MAGI2: variants seen among roughly 807,000 people sequenced by gnomAD.
The protein encoded by MAGI2 is membrane associated guanylate kinase, WW and PDZ domain containing 2.
Under a neutral mutation model 133.3 loss-of-function variants are expected in MAGI2, and 35 were observed. The observed-to-expected ratio is 0.26, with a 90% CI of 0.20 to 0.35. The LOEUF is 0.35. Ranked by LOEUF, MAGI2 falls within the 10% of genes least tolerant of loss-of-function variation. The pLI is 1.00. For missense variants in MAGI2, 1,636 were observed against 1,863.4 expected (o/e 0.88, Z 2.25); for synonymous variants, 729 against 710.6 (o/e 1.03, Z -0.41).
intron 10 of MAGI2, among the ~76,000 whole-genome samples, chr7:78,211,570 T>C (rs1342076105): frequency 7.2e-5 from 11 of 152,234 alleles, no homozygotes; most frequent in South Asian, 6.2e-4. Flanking sequence ...TCCCCTAACC[T>C]CTCAGAGGCT....
At chr7:79,452,146 A>T (rs892865459) in intron 1 of MAGI2, among the ~76,000 whole-genome samples, 11 of 152,062 alleles carry the variant, frequency 7.2e-5, no homozygotes, top group Non-Finnish European at 1.5e-4. Context: ...AATCGGAGCC[A>T]GAGGAGAGCC....
chr7:78,088,445 G>C (rs1275500117), intron 20 of MAGI2, among the ~76,000 whole-genome samples: 1 of 152,168 alleles, frequency 6.6e-6, no homozygotes, highest in Non-Finnish European at 1.5e-5. Flanking sequence ...CACCAAGATG[G>C]GTGGCGGGGA....
intron 2 of MAGI2, among the ~76,000 whole-genome samples, chr7:78,662,071 C>A (rs1313070404): frequency 6.6e-6 from 1 of 152,142 alleles, no homozygotes; most frequent in African/African-American, 2.4e-5. Flanking sequence ...ACAAAAATGT[C>A]TGAGATGTAG....
chr7:78,882,077 CAACAACAACAAAAA>C (rs1180892591), intron 2 of MAGI2, among the ~76,000 whole-genome samples: 1 of 16,188 alleles, frequency 6.2e-5, no homozygotes, highest in East Asian at 1.5e-3. Flanking sequence ...TTAACAACAA[CAACAACAACAAAAA>C]AAAAAAAAAA....
chr7:79,111,105 T>C (rs1020161449), intron 1 of MAGI2, among the ~76,000 whole-genome samples: 1 of 152,228 alleles, frequency 6.6e-6, no homozygotes, highest in Non-Finnish European at 1.5e-5. Context: ...GTCAATACCA[T>C]GTATTCTCTG....
chr7:78,996,572 C>T (rs1806329566), intron 2 of MAGI2, among the ~76,000 whole-genome samples: 1 of 152,012 alleles, frequency 6.6e-6, no homozygotes, highest in East Asian at 1.9e-4. Flanking sequence ...GGCTTAATAC[C>T]TGGATGAATG....
At chr7:78,138,625 TCACACACACA>T (rs202115434) in intron 16 of MAGI2, among the ~76,000 whole-genome samples, 2,040 of 129,464 alleles carry the variant, frequency 0.016, 38 homozygotes, top group Non-Finnish European at 0.019. Context: ...AAACATAGAT[TCACACACACA>T]CACACACACA....
At chr7:79,433,529 G>T (rs994047082) in intron 1 of MAGI2, among the ~76,000 whole-genome samples, 1 of 151,880 alleles carries the variant, frequency 6.6e-6, no homozygotes, top group Non-Finnish European at 1.5e-5. Flanking sequence ...CTCCAGCCTG[G>T]GCGACAGAGC....
chr7:78,886,959 T>C (rs1479355171), intron 2 of MAGI2, among the ~76,000 whole-genome samples: 1 of 152,140 alleles, frequency 6.6e-6, no homozygotes, highest in Non-Finnish European at 1.5e-5. Flanking sequence ...TGAGATCTGA[T>C]GGTTTTACAA....
At chr7:79,097,518 A>C (rs1272442724) in intron 1 of MAGI2, among the ~76,000 whole-genome samples, 1 of 152,184 alleles carries the variant, frequency 6.6e-6, no homozygotes, top group African/African-American at 2.4e-5. Context: ...AAAGGCAGAG[A>C]GTGGGGAACC....
intron 1 of MAGI2, among the ~76,000 whole-genome samples, chr7:79,286,542 T>C (rs544185920): frequency 6.6e-6 from 1 of 152,134 alleles, no homozygotes; most frequent in South Asian, 2.1e-4. Flanking sequence ...ATTGACAGCA[T>C]AACTTTTCAT....
At chr7:78,960,042 C>T (rs988895236) in intron 2 of MAGI2, among the ~76,000 whole-genome samples, 1 of 151,968 alleles carries the variant, frequency 6.6e-6, no homozygotes, top group Non-Finnish European at 1.5e-5. Context: ...ATACCTAGAG[C>T]AAGGATTCTA....
intron 10 of MAGI2, among the ~76,000 whole-genome samples, chr7:78,237,873 A>T (rs993891569): frequency 1.3e-5 from 2 of 152,200 alleles, no homozygotes; most frequent in African/African-American, 4.8e-5. Context: ...CAAAACACTA[A>T]TATTGACTTC....
intron 1 of MAGI2, among the ~76,000 whole-genome samples, chr7:79,431,238 C>T (rs1474891644): frequency 6.6e-6 from 1 of 152,074 alleles, no homozygotes; most frequent in East Asian, 1.9e-4. Flanking sequence ...AGTAGATATT[C>T]TAGAAATGCA....
chr7:79,312,632 T>C (rs180884778), intron 1 of MAGI2, among the ~76,000 whole-genome samples: 160 of 152,318 alleles, frequency 1.1e-3, no homozygotes, highest in Non-Finnish European at 2.0e-3. Flanking sequence ...TTCCTCTCTC[T>C]CTCTCTCAAA....
chr7:79,281,449 G>A (rs759596891), intron 1 of MAGI2, among the ~76,000 whole-genome samples: 3 of 151,940 alleles, frequency 2.0e-5, no homozygotes, highest in Non-Finnish European at 4.4e-5. Flanking sequence ...TCTGAAAAGC[G>A]ATCTTTATGT....
intron 10 of MAGI2, chr7:78,253,836 C>T (rs1792684622): frequency 6.6e-6 from 1 of 152,132 alleles, no homozygotes; most frequent in Admixed American, 6.6e-5. Flanking sequence ...AGGACCCAGG[C>T]CTGCGACTCA....
At chr7:78,401,338 C>A (rs943507237) in intron 6 of MAGI2, among the ~76,000 whole-genome samples, 1 of 152,126 alleles carries the variant, frequency 6.6e-6, no homozygotes, top group Non-Finnish European at 1.5e-5. Context: ...AATCTTTCAA[C>A]CCCTAAGATG....
At chr7:78,118,466 G>A (rs919851131) in intron 20 of MAGI2, among the ~76,000 whole-genome samples, 1 of 152,118 alleles carries the variant, frequency 6.6e-6, no homozygotes, top group Non-Finnish European at 1.5e-5. Context: ...ATAAAGGACT[G>A]TTATCCAAAA....
Sources: gnomAD v4.1 joint callset for allele counts (sites outside exome capture counted in the v4.1 genomes callset) on GRCh38, gnomAD v4.1.1 for gene constraint, MANE v1.5 for transcripts, NCBI Gene and HGNC (gene_info 2026-07-23, HGNC 2026-07-21) for gene names.